The following IGSF21 variants were observed in gnomAD, a reference collection of about 807,000 sequenced individuals.
IGSF21 encodes the protein immunoglobulin superfamily member 21.
In IGSF21, 28 loss-of-function variants were observed where a neutral mutation model predicts 46.8. That is an observed-to-expected ratio of 0.60 (90% CI 0.44 to 0.82). The LOEUF is 0.82. Ranked by LOEUF, IGSF21 falls within the 40% of genes least tolerant of loss-of-function variation. IGSF21 has a pLI of 0.00. For missense variants in IGSF21, 624 were observed against 665.5 expected, an observed-to-expected ratio of 0.94 and a Z score of 0.69; for synonymous variants, 284 against 273.6, an observed-to-expected ratio of 1.04 and a Z score of -0.38.
chr1:18,153,836 C>T (rs917775131), intron 1 of IGSF21, among the ~76,000 whole-genome samples: 4 of 152,310 alleles, frequency 2.6e-5, no homozygotes, highest in Middle Eastern at 3.4e-3. Context: ...TCCATCCCCA[C>T]TGAACCAGGA....
chr1:18,324,632 C>T (rs1445236111), intron 3 of IGSF21, among the ~76,000 whole-genome samples: 2 of 152,220 alleles, frequency 1.3e-5, no homozygotes, highest in Non-Finnish European at 2.9e-5. Context: ...TAAGACCAGA[C>T]TCTTCTGGGA....
At chr1:18,355,730 G>A (rs1243844481) in intron 4 of IGSF21, among the ~76,000 whole-genome samples, 1 of 152,030 alleles carries the variant, frequency 6.6e-6, no homozygotes, top group African/African-American at 2.4e-5. Context: ...TTATAGAATA[G>A]GGTCGGCCTT....
At chr1:18,200,458 A>G (rs1322680890) in intron 1 of IGSF21, among the ~76,000 whole-genome samples, 1 of 152,020 alleles carries the variant, frequency 6.6e-6, no homozygotes, top group East Asian at 1.9e-4. Flanking sequence ...GGAATAATCC[A>G]TCCTGGTGCC....
chr1:18,376,756 A>G, intron 7 of IGSF21, 44 bp from the exon 8 acceptor site: 1 of 1,534,966 alleles, frequency 6.5e-7, no homozygotes, highest in Non-Finnish European at 8.8e-7. Context: ...ATCTGGCAGA[A>G]TGGGCCCTCC....
intron 2 of IGSF21, among the ~76,000 whole-genome samples, chr1:18,237,612 C>T (rs183882741): frequency 5.3e-5 from 8 of 152,282 alleles, no homozygotes; most frequent in Non-Finnish European, 2.9e-5. Context: ...GCCTTCTGAC[C>T]CCTCTCACCA....
chr1:18,236,422 G>C (rs187245970), intron 2 of IGSF21, among the ~76,000 whole-genome samples: 2 of 152,308 alleles, frequency 1.3e-5, no homozygotes, highest in East Asian at 3.9e-4. Context: ...CCAGTCCCAG[G>C]TTTGTCTTTA....
intron 2 of IGSF21, among the ~76,000 whole-genome samples, chr1:18,283,012 C>T (rs1055127571): frequency 6.6e-6 from 1 of 152,216 alleles, no homozygotes; most frequent in African/African-American, 2.4e-5. Flanking sequence ...TCACAGCAGG[C>T]TCACCCACGC....
chr1:18,359,298 A>C (rs1214970637), intron 4 of IGSF21, among the ~76,000 whole-genome samples: 1 of 145,742 alleles, frequency 6.9e-6, no homozygotes, highest in Admixed American at 7.0e-5. Flanking sequence ...AAAAAAAAAG[A>C]AAAAGAAAAG....
chr1:18,288,552 A>G (rs1223187837), intron 2 of IGSF21, among the ~76,000 whole-genome samples: 3 of 152,204 alleles, frequency 2.0e-5, no homozygotes, highest in Non-Finnish European at 4.4e-5. Context: ...CTAGAATTAA[A>G]GGCGAGGTGT....
chr1:18,231,609 A>C (rs60549864), intron 2 of IGSF21, among the ~76,000 whole-genome samples: 1 of 152,236 alleles, frequency 6.6e-6, no homozygotes, highest in African/African-American at 2.4e-5. Flanking sequence ...TAACATTTAA[A>C]TTAAATCAAA....
chr1:18,337,349 T>C lies in IGSF21; in HGVS notation c.424+2339T>C, dbSNP rs1356949409. On this transcript the variant is annotated intron_variant, in intron 4 of 9. Coordinates refer to ENST00000251296, the MANE Select transcript of IGSF21 (RefSeq NM_032880.5). This position sits in a 1 kb window ranked among gnomAD's most constrained non-coding sequence, Gnocchi z 5.7. Reference sequence around the variant, plus strand: ...GGGTGGCTGTGAGGCTTAAAGTAGATAAAGTTTGCAGAACGCCTACCTCAT... The same window carrying C: ...GGGTGGCTGTGAGGCTTAAAGTAGACAAAGTTTGCAGAACGCCTACCTCAT... Among the ~76,000 whole-genome samples, 2 of 152,154 alleles carry C rather than the reference T, an allele frequency of 1.3e-5. No homozygotes were observed. Among genetic ancestry groups the C allele is most frequent in the East Asian group, 1.9e-4 (1 of 5,180 alleles).
At chr1:18,152,200 A>G (rs542483393) in intron 1 of IGSF21, among the ~76,000 whole-genome samples, 38 of 152,218 alleles carry the variant, frequency 2.5e-4, no homozygotes, top group Admixed American at 1.1e-3. Context: ...CTGCACATTC[A>G]TCCACAGTGC....
intron 1 of IGSF21, among the ~76,000 whole-genome samples, chr1:18,167,947 G>A (rs568540662): frequency 5.9e-5 from 9 of 152,202 alleles, no homozygotes; most frequent in African/African-American, 1.9e-4. Flanking sequence ...CCTGCTCCAC[G>A]TGCGCCACAA....
chr1:18,318,684 G>A (rs2085568560), intron 3 of IGSF21, among the ~76,000 whole-genome samples: 1 of 152,064 alleles, frequency 6.6e-6, no homozygotes, highest in Non-Finnish European at 1.5e-5. Context: ...CTCCTTTGGG[G>A]CCCTTTCCTC....
chr1:18,216,207 G>T (rs951487168), intron 1 of IGSF21, among the ~76,000 whole-genome samples: 2 of 125,322 alleles, frequency 1.6e-5, no homozygotes, highest in African/African-American at 2.6e-5. Flanking sequence ...AGAGGAGAAG[G>T]GTGTTCCAGG....
In IGSF21 at chr1:18,337,037, G is replaced by A. The variant is rs2085776107; in HGVS notation, c.424+2027G>A. Among the ~76,000 whole-genome samples, 1 of 152,164 alleles carries A rather than the reference G, an allele frequency of 6.6e-6. No individual in the cohort carries two copies. The highest frequency in any genetic ancestry group is 6.5e-5 in the Admixed American group (1 of 15,282). On this transcript the variant is annotated intron_variant, in intron 4 of 9. Transcript: ENST00000251296. This position sits in a 1 kb window ranked among gnomAD's most constrained non-coding sequence, Gnocchi z 5.7. ...ACTAGGTCCCTCCTACAACACATGG[G>A]AATTGTGGGAGCTACAGTATAAGAT... is the stretch of plus-strand genomic sequence containing the variant.
rs969476121 is a variant in IGSF21 at position 18,322,667 on chromosome 1, C to T, written c.306-12225C>T. ...CTGCCTGCCAGTCCTGGGATGGCGT[C>T]GGGTGAAGGTAGGAAAAACACTCTG... is the stretch of plus-strand genomic sequence containing the variant. On this transcript the variant is annotated intron_variant, in intron 3 of 9. Transcript: ENST00000251296. This position sits in a 1 kb window ranked among gnomAD's most constrained non-coding sequence, Gnocchi z 4.3. Among the ~76,000 whole-genome samples the T allele has an allele frequency of 2.6e-5, 4 of 152,114 alleles. No individual in the cohort carries two copies. The highest frequency in any genetic ancestry group is 9.7e-5 in the African/African-American group (4 of 41,408).
chr1:18,256,334 A>C (rs531455230), intron 2 of IGSF21, among the ~76,000 whole-genome samples: 1 of 152,174 alleles, frequency 6.6e-6, no homozygotes, highest in East Asian at 1.9e-4. Flanking sequence ...GCATTTATTA[A>C]AGTGAATTCT....
intron 2 of IGSF21, among the ~76,000 whole-genome samples, chr1:18,289,559 C>T (rs931525482): frequency 1.1e-4 from 16 of 152,174 alleles, no homozygotes; most frequent in African/African-American, 3.4e-4. Flanking sequence ...CTTGTCTATT[C>T]GGCTCTGTTC....
Sources: gnomAD v4.1 joint callset for allele counts (sites outside exome capture counted in the v4.1 genomes callset) on GRCh38, gnomAD v4.1.1 for gene constraint, Gnocchi (gnomAD v3.1) non-coding constraint, MANE v1.5 for transcripts, NCBI Gene and HGNC (gene_info 2026-07-23, HGNC 2026-07-21) for gene names.